Variants in EXOC4 observed in about 807,000 individuals in gnomAD.
The protein encoded by EXOC4 is SEC8-like 1.
In EXOC4, 71 loss-of-function variants were observed where a neutral mutation model predicts 107.2. That is an observed-to-expected ratio of 0.66 (90% CI 0.55 to 0.81). The LOEUF is 0.81. Ranked by LOEUF, EXOC4 falls within the 30% of genes least tolerant of loss-of-function variation. The pLI, the probability that EXOC4 is intolerant of heterozygous loss-of-function variation, is 0.00. For synonymous variants in EXOC4, 456 were observed against 441.2 expected (o/e 1.03, Z -0.42); for missense variants, 1,108 against 1,189.6 (o/e 0.93, Z 1.01).
chr7:133,292,890 A>G (rs1008980186), intron 3 of EXOC4, among the ~76,000 whole-genome samples: 3 of 152,082 alleles, frequency 2.0e-5, no homozygotes, highest in South Asian at 2.1e-4. Context: ...AGAAAAAGGT[A>G]TTTCTTTTGT....
At chr7:133,669,401 T>G (rs1439012229) in intron 10 of EXOC4, among the ~76,000 whole-genome samples, 3 of 152,222 alleles carry the variant, frequency 2.0e-5, no homozygotes, top group Non-Finnish European at 2.9e-5. Context: ...TGCTAGCTTT[T>G]TGGCCAGGCC....
intron 17 of EXOC4, among the ~76,000 whole-genome samples, chr7:134,045,568 A>C (rs1044625260): frequency 1.3e-5 from 2 of 152,238 alleles, no homozygotes; most frequent in Non-Finnish European, 2.9e-5. Flanking sequence ...ATAGTTAAGA[A>C]GTCAGGGTTC....
chr7:133,551,195 A>G (rs1800581299), intron 9 of EXOC4, among the ~76,000 whole-genome samples: 1 of 152,262 alleles, frequency 6.6e-6, no homozygotes, highest in South Asian at 2.1e-4. Context: ...TGATAATTTT[A>G]TAAGAAATAG....
At chr7:134,028,629 C>T (rs1483864555) in intron 17 of EXOC4, among the ~76,000 whole-genome samples, 1 of 152,162 alleles carries the variant, frequency 6.6e-6, no homozygotes, top group Non-Finnish European at 1.5e-5. Flanking sequence ...ATTGCCAATG[C>T]TTGGAAGATG....
At chr7:133,576,473 C>T (rs2150963389) in intron 9 of EXOC4, 1 of 1,274,962 alleles carries the variant, frequency 7.8e-7, no homozygotes. Context: ...TTATAGAGGG[C>T]ATCTGTCGGT....
intron 10 of EXOC4, among the ~76,000 whole-genome samples, chr7:133,745,204 A>G (rs1291917255): frequency 6.6e-6 from 1 of 151,906 alleles, no homozygotes; most frequent in Non-Finnish European, 1.5e-5. Flanking sequence ...TTTTCACCCT[A>G]TAGAAAGTTT....
chr7:133,470,672 G>T (rs1313367374), intron 7 of EXOC4, among the ~76,000 whole-genome samples: 1 of 151,968 alleles, frequency 6.6e-6, no homozygotes, highest in Non-Finnish European at 1.5e-5. Context: ...TATTTTTGGG[G>T]CTCTTGATGA....
intron 14 of EXOC4, among the ~76,000 whole-genome samples, chr7:133,942,859 C>T (rs1800464134): frequency 6.6e-6 from 1 of 152,116 alleles, no homozygotes; most frequent in Non-Finnish European, 1.5e-5. Flanking sequence ...GTACAAACCC[C>T]TCTTGAATTT....
rs138202310 is a variant in EXOC4 at position 133,278,817 on chromosome 7, C to CT, written c.276+3654dup. 7.6e-3 allele frequency among the ~76,000 whole-genome samples: 1,159 copies of CT among 151,838 alleles called. 59 individuals carry two copies. In the East Asian group the frequency reaches 0.16, roughly 21 times the overall value. On this transcript the variant is annotated intron_variant, in intron 2 of 17. Coordinates refer to ENST00000253861, the MANE Select transcript of EXOC4 (RefSeq NM_021807.4). ...AGGAATAACATGATGTGGCTAACATCTTTTTTTTACTATTATTATACTTTA... is the reference window on the plus strand; with the variant it reads ...AGGAATAACATGATGTGGCTAACATCTTTTTTTTTACTATTATTATACTTTA...
At chr7:133,450,687 A>G (rs1198741622) in intron 7 of EXOC4, among the ~76,000 whole-genome samples, 3 of 152,310 alleles carry the variant, frequency 2.0e-5, no homozygotes, top group South Asian at 4.1e-4. Context: ...CCTTGTTACC[A>G]TATAATGCAA....
intron 14 of EXOC4, among the ~76,000 whole-genome samples, chr7:133,994,480 C>A (rs992578707): frequency 6.6e-6 from 1 of 152,074 alleles, no homozygotes; most frequent in African/African-American, 2.4e-5. Flanking sequence ...AACAAACCTG[C>A]ACGTTCAGCA....
At chr7:133,677,005 G>A (rs566279267) in intron 10 of EXOC4, among the ~76,000 whole-genome samples, 5 of 146,890 alleles carry the variant, frequency 3.4e-5, no homozygotes, top group South Asian at 2.2e-4. Context: ...AATCACCAAG[G>A]CTTCAGAGTT....
In EXOC4 at chr7:133,644,297, G is replaced by C. The variant is rs1215486729; in HGVS notation, c.1514+14156G>C. Among the ~76,000 whole-genome samples the C allele has an allele frequency of 1.3e-5, 2 of 152,030 alleles. 1 individual carries two copies. The highest frequency in any genetic ancestry group is 4.2e-4 in the South Asian group (2 of 4,804). On this transcript the variant is annotated intron_variant, in intron 10 of 17. Transcript: ENST00000253861. ...CTGCTCTGCCCTTGCTGTCCATTAC[G>C]GTAGCTATGCCTACTTTGCGTTTGA...
intron 6 of EXOC4, among the ~76,000 whole-genome samples, chr7:133,367,248 G>C (rs778284286): frequency 2.4e-4 from 37 of 152,030 alleles, no homozygotes; most frequent in Admixed American, 5.2e-4. Context: ...AGTATGAGGG[G>C]GTTGAGAAGA....
intron 10 of EXOC4, among the ~76,000 whole-genome samples, chr7:133,676,808 G>C (rs1214374489): frequency 6.6e-6 from 1 of 151,962 alleles, no homozygotes. Flanking sequence ...TTAGTTAAAA[G>C]TCTGTTCTTA....
chr7:133,325,453 T>C (rs565603818), intron 5 of EXOC4, among the ~76,000 whole-genome samples: 1 of 152,316 alleles, frequency 6.6e-6, no homozygotes, highest in African/African-American at 2.4e-5. Flanking sequence ...AGGATTTTAT[T>C]TCTCCTTCAC....
intron 11 of EXOC4, among the ~76,000 whole-genome samples, chr7:133,851,141 T>C (rs1281217788): frequency 4.6e-5 from 7 of 152,188 alleles, no homozygotes; most frequent in Non-Finnish European, 1.0e-4. Context: ...TGTTCTCCTT[T>C]GGGCACTATT....
At chr7:134,067,674 C>CAG (rs1796206463), downstream of EXOC4, among the ~76,000 whole-genome samples, 2 of 24 alleles carry the variant, frequency 0.083, no homozygotes, top group South Asian at 0.25. Flanking sequence ...CACACACACA[C>CAG]AGGCAATTGT....
In EXOC4 at chr7:134,047,054, G is replaced by A. The variant is rs536824944; in HGVS notation, c.2688-17237G>A. Among the ~76,000 whole-genome samples, 81 of 152,342 alleles carry A rather than the reference G, an allele frequency of 5.3e-4. 1 individual carries two copies. The highest frequency in any genetic ancestry group is 1.9e-3 in the African/African-American group (79 of 41,582). On this transcript the variant is annotated intron_variant, in intron 17 of 17. Coordinates refer to ENST00000253861, the MANE Select transcript of EXOC4 (RefSeq NM_021807.4). ...ATTGGTACTGCTCTTATGAAATTAT[G>A]TGTGTTAGCTGGCTCTTCAGAAATA...
Sources: allele counts gnomAD v4.1 joint callset (sites outside exome capture counted in the v4.1 genomes callset), GRCh38; gene constraint gnomAD v4.1.1; transcripts MANE v1.5; gene names NCBI Gene and HGNC (gene_info 2026-07-23, HGNC 2026-07-21).